The following TMEM132D variants were observed in gnomAD, a reference collection of about 807,000 sequenced individuals.
TMEM132D encodes mature OL transmembrane protein.
A neutral mutation model predicts 62.3 loss-of-function variants in TMEM132D; 21 were observed. The ratio of observed to expected loss-of-function variants is 0.34; its 90% CI spans 0.24 to 0.49. The LOEUF (loss-of-function observed/expected upper bound fraction) is 0.49. Ranked by LOEUF, TMEM132D falls within the 20% of genes least tolerant of loss-of-function variation. The pLI is 0.99. For missense variants in TMEM132D, 1,346 were observed against 1,402.8 expected (o/e 0.96, Z 0.65); for synonymous variants, 621 against 575.6 (o/e 1.08, Z -1.13).
chr12:129,850,876 GA>G, intron 1 of TMEM132D, among the ~76,000 whole-genome samples: 1 of 152,260 alleles, frequency 6.6e-6, no homozygotes, highest in East Asian at 1.9e-4. Flanking sequence ...ACTTTTCTTA[GA>G]AATTAGATTC....
At chr12:129,102,407 A>T (rs1593261582) in intron 5 of TMEM132D, among the ~76,000 whole-genome samples, 2 of 152,082 alleles carry the variant, frequency 1.3e-5, no homozygotes, top group South Asian at 4.2e-4. Flanking sequence ...CACAATGCAC[A>T]CATGCACGCA....
intron 3 of TMEM132D, among the ~76,000 whole-genome samples, chr12:129,479,050 T>G (rs983811512): frequency 2.0e-5 from 3 of 152,246 alleles, no homozygotes; most frequent in Non-Finnish European, 2.9e-5. Flanking sequence ...CATGATTTTG[T>G]ACTTTACACT....
rs116962955 is a variant in TMEM132D at position 129,196,498 on chromosome 12, T to G, written c.1443+13022A>C. Among the ~76,000 whole-genome samples, 860 of 152,314 alleles carry G rather than the reference T, an allele frequency of 5.6e-3. 3 individuals carry two copies. The highest frequency in any genetic ancestry group is 0.014 in the Admixed American group (208 of 15,292). On this transcript the variant is annotated intron_variant, in intron 5 of 8. Transcript: ENST00000422113. ...ATGTGGTTTCTTTCTAGGTCTAAGA[T>G]GCCCATGATTGGCAGTATTGGGGAT...
chr12:129,466,279 CTTTT>C (rs551019541), intron 3 of TMEM132D, among the ~76,000 whole-genome samples: 20 of 100,394 alleles, frequency 2.0e-4, no homozygotes, highest in African/African-American at 7.6e-4. Flanking sequence ...TAGATTTTTC[CTTTT>C]TTTTTTTTTT....
At chr12:129,889,510 T>C (rs1273836112) in intron 1 of TMEM132D, among the ~76,000 whole-genome samples, 2 of 152,184 alleles carry the variant, frequency 1.3e-5, no homozygotes, top group Non-Finnish European at 2.9e-5. Flanking sequence ...ACAGCCAACC[T>C]GGCCTAACTA....
chr12:129,628,818 T>C (rs545549657), intron 2 of TMEM132D, among the ~76,000 whole-genome samples: 9 of 152,238 alleles, frequency 5.9e-5, no homozygotes, highest in African/African-American at 1.7e-4. Context: ...CAGAATCCCT[T>C]ACCATGTGGC....
At chr12:129,846,113 A>T (rs1873353967) in intron 1 of TMEM132D, among the ~76,000 whole-genome samples, 1 of 152,150 alleles carries the variant, frequency 6.6e-6, no homozygotes, top group Non-Finnish European at 1.5e-5. Flanking sequence ...GGTAGTCTTC[A>T]ATCTGGTCCA....
chr12:129,725,778 C>CTT, intron 1 of TMEM132D, among the ~76,000 whole-genome samples: 1 of 152,338 alleles, frequency 6.6e-6, no homozygotes, highest in East Asian at 1.9e-4. Context: ...GTTAACACAG[C>CTT]AGACCAGAGA....
intron 1 of TMEM132D, among the ~76,000 whole-genome samples, chr12:129,841,279 A>G (rs1873184483): frequency 6.6e-6 from 1 of 152,170 alleles, no homozygotes; most frequent in South Asian, 2.1e-4. Flanking sequence ...GAAAAGATTC[A>G]CATAATTCTA....
At chr12:129,563,864 T>C (rs1877302281) in intron 2 of TMEM132D, among the ~76,000 whole-genome samples, 1 of 152,150 alleles carries the variant, frequency 6.6e-6, no homozygotes, top group Non-Finnish European at 1.5e-5. Flanking sequence ...CCAATCAGGA[T>C]GGCCATGAAT....
intron 1 of TMEM132D, among the ~76,000 whole-genome samples, chr12:129,892,873 C>CTGTT (rs760103290): frequency 8.9e-4 from 135 of 151,982 alleles, no homozygotes; most frequent in Non-Finnish European, 1.1e-3. Context: ...TTTAAGGACT[C>CTGTT]TGTTTGTTTG....
chr12:129,696,130 C>T (rs264489), intron 2 of TMEM132D, among the ~76,000 whole-genome samples: 40,273 of 152,040 alleles, frequency 0.26, 5,690 homozygotes, highest in Non-Finnish European at 0.32. Context: ...TTTAAGTCTT[C>T]GGCATATCTG....
At position 129,589,369 on chromosome 12, in the gene TMEM132D, C is replaced by A. The variant is rs265628; in HGVS notation, c.969-58164G>T. Among the ~76,000 whole-genome samples the A allele has an allele frequency of 7.8e-3, 1,192 of 152,216 alleles. 9 individuals are homozygous for A. Among genetic ancestry groups the A allele is most frequent in the African/African-American group, 0.027 (1,136 of 41,522 alleles). ...CCCCAGTCACGTGGAACTGTGGGTC[C>A]ATTAAACCTCTTTTTCTTTACAAAT... On this transcript the variant is annotated intron_variant, in intron 2 of 8. Coordinates refer to ENST00000422113, the MANE Select transcript of TMEM132D (RefSeq NM_133448.3).
chr12:129,871,848 C>G (rs562889919), intron 1 of TMEM132D, among the ~76,000 whole-genome samples: 198 of 152,262 alleles, frequency 1.3e-3, no homozygotes, highest in Admixed American at 2.7e-3. Context: ...GTCTCTGAAC[C>G]CCACTAAAAA....
intron 2 of TMEM132D, among the ~76,000 whole-genome samples, chr12:129,570,822 T>A (rs1486853148): frequency 6.6e-6 from 1 of 152,178 alleles, no homozygotes; most frequent in African/African-American, 2.4e-5. Context: ...TAAGAAAACA[T>A]CCCCAGAAGT....
intron 3 of TMEM132D, among the ~76,000 whole-genome samples, chr12:129,438,386 A>G (rs1199911372): frequency 6.6e-6 from 1 of 152,216 alleles, no homozygotes; most frequent in Admixed American, 6.5e-5. Context: ...CACCCATAGA[A>G]TAGACAAATA....
At chr12:129,460,783 T>C (rs529132333) in intron 3 of TMEM132D, among the ~76,000 whole-genome samples, 4 of 152,190 alleles carry the variant, frequency 2.6e-5, no homozygotes, top group East Asian at 1.9e-4. Flanking sequence ...TTAGTCCTTA[T>C]GCAATTCAGT....
intron 5 of TMEM132D, among the ~76,000 whole-genome samples, chr12:129,100,655 A>G (rs1875276578): frequency 6.6e-6 from 1 of 152,204 alleles, no homozygotes; most frequent in Admixed American, 6.5e-5. Context: ...TCTGGAGTGA[A>G]TGAAAGTATT....
At chr12:129,760,075 T>C (rs1870303034) in intron 1 of TMEM132D, among the ~76,000 whole-genome samples, 1 of 152,070 alleles carries the variant, frequency 6.6e-6, no homozygotes. Flanking sequence ...TGGCTAATTT[T>C]TTAAATTTTA....
Sources: allele counts gnomAD v4.1 joint callset (sites outside exome capture counted in the v4.1 genomes callset), GRCh38; gene constraint gnomAD v4.1.1; transcripts MANE v1.5; gene names NCBI Gene and HGNC (gene_info 2026-07-23, HGNC 2026-07-21).